Variants in FER observed in about 807,000 individuals in gnomAD.
The protein encoded by FER is tyrosine-protein kinase Fer.
A neutral mutation model predicts 111.0 loss-of-function variants in FER; 63 were observed. The ratio of observed to expected loss-of-function variants is 0.57; its 90% confidence interval spans 0.46 to 0.70. The LOEUF (loss-of-function observed/expected upper bound fraction) is 0.70, where lower values mean the gene tolerates loss of function less well. FER is among the 30% of genes least tolerant of loss of function. The pLI is 0.00. For missense variants in FER, 914 were observed against 954.0 expected, an observed-to-expected ratio of 0.96 and a Z score of 0.55; for synonymous variants, 327 against 313.9, an observed-to-expected ratio of 1.04 and a Z score of -0.44.
At chr5:108,858,319 G>A (rs1763192129) in intron 5 of FER, among the ~76,000 whole-genome samples, 1 of 152,138 alleles carries the variant, frequency 6.6e-6, no homozygotes, top group Admixed American at 6.5e-5. Context: ...AGTAATTTCA[G>A]TATTGCTAAC....
At chr5:108,773,945 T>C (rs1753202855) in intron 2 of FER, among the ~76,000 whole-genome samples, 1 of 152,188 alleles carries the variant, frequency 6.6e-6, no homozygotes, top group Non-Finnish European at 1.5e-5. Context: ...TATTTTACTT[T>C]AAGTTCTGGT....
chr5:109,104,673 AC>A (rs1748663197), intron 17 of FER, among the ~76,000 whole-genome samples: 1 of 152,184 alleles, frequency 6.6e-6, no homozygotes, highest in South Asian at 2.1e-4. Flanking sequence ...AAAAAAGAAA[AC>A]TAATTTGAAC....
intron 17 of FER, among the ~76,000 whole-genome samples, chr5:109,178,677 T>C (rs1218325953): frequency 2.0e-5 from 3 of 152,230 alleles, no homozygotes; most frequent in African/African-American, 7.2e-5. Context: ...TACAAACATT[T>C]CTACCAATGC....
At chr5:108,780,830 T>C (rs971270046) in intron 2 of FER, among the ~76,000 whole-genome samples, 1 of 149,924 alleles carries the variant, frequency 6.7e-6, no homozygotes, top group African/African-American at 2.5e-5. Context: ...TTTTTCAGTC[T>C]ATTTTCTGTT....
At chr5:108,956,927 G>T (rs182113649) in intron 12 of FER, among the ~76,000 whole-genome samples, 1 of 151,682 alleles carries the variant, frequency 6.6e-6, no homozygotes, top group East Asian at 1.9e-4. Flanking sequence ...TTCTAATGAA[G>T]GAGTTTATAT....
At chr5:109,051,705 G>A in intron 16 of FER, 1 of 1,566,340 alleles carries the variant, frequency 6.4e-7, no homozygotes, top group Non-Finnish European at 8.8e-7. Flanking sequence ...GGCTCAGCGG[G>A]CCAGTGGTCG....
chr5:108,845,055 T>C (rs1254710763), intron 5 of FER, among the ~76,000 whole-genome samples: 3 of 53,476 alleles, frequency 5.6e-5, no homozygotes, highest in Admixed American at 1.8e-4. Flanking sequence ...TATATATATA[T>C]ATATATATAT....
intron 3 of FER, among the ~76,000 whole-genome samples, chr5:108,804,999 T>G (rs1020833958): frequency 1.3e-5 from 2 of 152,062 alleles, no homozygotes; most frequent in Non-Finnish European, 2.9e-5. Flanking sequence ...GGTTTTTTAT[T>G]ACTGATTCAA....
At chr5:109,061,927 T>G (rs1774463162) in intron 16 of FER, among the ~76,000 whole-genome samples, 1 of 152,150 alleles carries the variant, frequency 6.6e-6, no homozygotes, top group Non-Finnish European at 1.5e-5. Context: ...AGAGTAATGT[T>G]TGAGAAGATT....
At chr5:109,138,895 A>G (rs1753198888) in intron 17 of FER, among the ~76,000 whole-genome samples, 1 of 152,222 alleles carries the variant, frequency 6.6e-6, no homozygotes, top group Non-Finnish European at 1.5e-5. Context: ...TTGATATGAC[A>G]GGGTAAAGGA....
rs1172491538 is a variant in FER, at chr5:108,995,920, A to C, written c.1656+36573A>C. 2.0e-5 allele frequency among the ~76,000 whole-genome samples: 3 copies of C among 149,402 alleles called. No individual in the cohort carries two copies. In the Admixed American group the frequency reaches 2.0e-4, roughly 10 times the overall value. On this transcript the variant is annotated intron_variant, in intron 13 of 19. Transcript: ENST00000281092. ...GTTCCTATTTTTCCACATCCTCTCC[A>C]GCATCTGTTGTTTCCTGACTTCTTA...
chr5:108,926,591 T>G (rs1753772285), intron 10 of FER, among the ~76,000 whole-genome samples: 1 of 152,212 alleles, frequency 6.6e-6, no homozygotes, highest in South Asian at 2.1e-4. Flanking sequence ...ACCCATAGCC[T>G]TGATGATTTA....
chr5:108,865,969 C>T (rs1764012230), intron 5 of FER, among the ~76,000 whole-genome samples: 1 of 152,166 alleles, frequency 6.6e-6, no homozygotes, highest in African/African-American at 2.4e-5. Context: ...GAAATAGGAA[C>T]ACTTTTACAC....
In FER at chr5:108,955,471, C is replaced by T. The variant is rs184023598; in HGVS notation, c.1533+539C>T. 8.8e-3 allele frequency among the ~76,000 whole-genome samples: 1,342 copies of T among 151,778 alleles called. 10 individuals are homozygous for T. The highest frequency in any genetic ancestry group is 0.015 in the Non-Finnish European group (1,034 of 67,762). On this transcript the variant is annotated intron_variant, in intron 12 of 19. Transcript: ENST00000281092. The stretch of plus-strand genomic sequence containing the variant: ...TAGAAATTAATGAAGAATTAAAAAT[C>T]TATTTACATTGATTATTCTAATGCT...
At chr5:108,805,615 T>C (rs1184180966) in intron 3 of FER, among the ~76,000 whole-genome samples, 1 of 152,152 alleles carries the variant, frequency 6.6e-6, no homozygotes, top group East Asian at 1.9e-4. Flanking sequence ...CAGGCTGAGG[T>C]AGTCTCAGAT....
intron 16 of FER, among the ~76,000 whole-genome samples, chr5:109,099,369 G>C (rs912535846): frequency 3.3e-5 from 5 of 151,262 alleles, no homozygotes. Context: ...CATTTTAATT[G>C]ATTTAAATTA....
intron 10 of FER, among the ~76,000 whole-genome samples, chr5:108,935,366 T>C (rs1755312871): frequency 6.6e-6 from 1 of 152,088 alleles, no homozygotes; most frequent in Non-Finnish European, 1.5e-5. Context: ...CACATCGCCT[T>C]CTGTGTTTCT....
chr5:109,176,286 A>G (rs1469039400), intron 17 of FER, among the ~76,000 whole-genome samples: 2 of 152,238 alleles, frequency 1.3e-5, no homozygotes, highest in African/African-American at 4.8e-5. Context: ...ACATGATAGA[A>G]TACTATTTAC....
chr5:109,135,425 A>T (rs546227462), intron 17 of FER, among the ~76,000 whole-genome samples: 68 of 152,334 alleles, frequency 4.5e-4, no homozygotes, highest in Non-Finnish European at 6.6e-4. Context: ...CTCCAAGTTT[A>T]CGCTCTTAAT....
Sources: allele counts gnomAD v4.1 joint callset (sites outside exome capture counted in the v4.1 genomes callset), GRCh38; gene constraint gnomAD v4.1.1; transcripts MANE v1.5; gene names NCBI Gene and HGNC (gene_info 2026-07-23, HGNC 2026-07-21).